DNM3: variants seen among roughly 807,000 people sequenced by gnomAD.
DNM3 encodes dynamin 3.
A neutral mutation model predicts 101.6 loss-of-function variants in DNM3; 47 were observed. The observed-to-expected ratio is 0.46, with a 90% CI of 0.37 to 0.59. The LOEUF (loss-of-function observed/expected upper bound fraction) is 0.59, where lower values mean the gene tolerates loss of function less well. DNM3 is among the 20% of genes least tolerant of loss of function. The pLI is 0.00. For missense variants in DNM3, 849 were observed against 1,085.7 expected, an observed-to-expected ratio of 0.78 and a Z score of 3.06; for synonymous variants, 385 against 387.9, an observed-to-expected ratio of 0.99 and a Z score of 0.09.
intron 15 of DNM3, among the ~76,000 whole-genome samples, chr1:172,277,099 A>G (rs2063319930): frequency 6.6e-6 from 1 of 152,050 alleles, no homozygotes; most frequent in South Asian, 2.1e-4. Context: ...GTAGGAGCTA[A>G]TGGGTACAAA....
At chr1:172,203,657 A>C (rs1384361608) in intron 14 of DNM3, among the ~76,000 whole-genome samples, 1 of 152,080 alleles carries the variant, frequency 6.6e-6, no homozygotes. Context: ...TAGCTTTTGT[A>C]TAATAGGGTG....
intron 17 of DNM3, chr1:172,338,738 AAAG>A (rs1324806330): frequency 4.6e-6 from 2 of 439,450 alleles, no homozygotes; most frequent in Admixed American, 2.6e-5. Flanking sequence ...TTGTTTGTTC[AAAG>A]AAGTCATTAC....
chr1:172,362,475 T>A (rs1319365861), intron 17 of DNM3, among the ~76,000 whole-genome samples: 2 of 101,574 alleles, frequency 2.0e-5, no homozygotes, highest in Non-Finnish European at 2.4e-5. Context: ...AACTGGAATA[T>A]GGCATGAAAG....
At chr1:172,129,469 TGA>T (rs563546233) in intron 13 of DNM3, among the ~76,000 whole-genome samples, 191 of 152,326 alleles carry the variant, frequency 1.3e-3, no homozygotes, top group African/African-American at 4.5e-3. Context: ...TTCATGCTGC[TGA>T]TAAAGACATA....
intron 2 of DNM3, among the ~76,000 whole-genome samples, chr1:171,978,595 T>A (rs1369005107): frequency 6.6e-6 from 1 of 152,180 alleles, no homozygotes; most frequent in East Asian, 1.9e-4. Flanking sequence ...TTTTTCTAAA[T>A]GTACTGGAAA....
intron 14 of DNM3, among the ~76,000 whole-genome samples, chr1:172,157,746 A>G (rs1033671170): frequency 6.6e-6 from 1 of 152,074 alleles, no homozygotes; most frequent in African/African-American, 2.4e-5. Flanking sequence ...TTTAAATAAG[A>G]TGATTTAAGG....
chr1:172,321,587 C>T (rs1339278141), intron 16 of DNM3, among the ~76,000 whole-genome samples: 1 of 152,160 alleles, frequency 6.6e-6, no homozygotes, highest in South Asian at 2.1e-4. Context: ...ACACCACGTC[C>T]TCCGCTTGTG....
chr1:172,321,630 C>T (rs1051880834), intron 16 of DNM3, among the ~76,000 whole-genome samples: 1 of 152,178 alleles, frequency 6.6e-6, no homozygotes, highest in Non-Finnish European at 1.5e-5. Flanking sequence ...AGGCCTCCTA[C>T]CCTGTGACAT....
At chr1:172,358,121 G>T (rs979622319) in intron 17 of DNM3, among the ~76,000 whole-genome samples, 1 of 151,976 alleles carries the variant, frequency 6.6e-6, no homozygotes, top group African/African-American at 2.4e-5. Context: ...TATACAGAGA[G>T]AAATAAAGAA....
exon 21 of DNM3, chr1:172,418,351 C>T: frequency 1.6e-6 from 2 of 1,283,952 alleles, no homozygotes; most frequent in Non-Finnish European, 2.0e-6. Context: ...TTTCCAACAA[C>T]ATGTCTATCC....
Position 172,116,336 on chromosome 1 carries a change from C to T in DNM3, c.1546-14839C>T, listed in dbSNP as rs574364435. ...AGACCCCACAGGAGGTTCTCACATG[C>T]CTGCTCTTTGCTTCCCTTGTTCACT... On this transcript the variant is annotated intron_variant, in intron 13 of 20. Transcript: ENST00000627582. 1.3e-3 allele frequency among the ~76,000 whole-genome samples: 194 copies of T among 152,342 alleles called. 1 individual carries two copies. Among genetic ancestry groups the T allele is most frequent in the African/African-American group, 4.5e-3 (187 of 41,576 alleles).
At chr1:172,185,065 C>G (rs190878887) in intron 14 of DNM3, among the ~76,000 whole-genome samples, 1 of 152,116 alleles carries the variant, frequency 6.6e-6, no homozygotes, top group Admixed American at 6.5e-5. Context: ...AGGGGCAGCT[C>G]CTCTCACTCA....
At chr1:172,287,786 T>A (rs935829458) in intron 15 of DNM3, among the ~76,000 whole-genome samples, 6 of 140,966 alleles carry the variant, frequency 4.3e-5, no homozygotes, top group Non-Finnish European at 7.6e-5. Flanking sequence ...ATATATAAAA[T>A]ATATATATAT....
intron 2 of DNM3, among the ~76,000 whole-genome samples, chr1:171,924,375 G>C (rs978196474): frequency 2.0e-5 from 3 of 152,114 alleles, no homozygotes; most frequent in Non-Finnish European, 4.4e-5. Flanking sequence ...AGCTGTATCA[G>C]TCTATTTTCA....
chr1:171,896,313 A>C (rs980877747), intron 1 of DNM3, among the ~76,000 whole-genome samples: 6 of 151,958 alleles, frequency 3.9e-5, no homozygotes, highest in East Asian at 1.9e-4. Context: ...CTTTTATTTC[A>C]TTGAGCAGTG....
At chr1:172,215,257 G>T (rs1219826484) in intron 14 of DNM3, among the ~76,000 whole-genome samples, 1 of 151,988 alleles carries the variant, frequency 6.6e-6, no homozygotes, top group East Asian at 1.9e-4. Flanking sequence ...TTGGCTTCTG[G>T]AACATATAAA....
At chr1:172,144,913 A>G (rs2057796056) in intron 14 of DNM3, 2 of 182,416 alleles carry the variant, frequency 1.1e-5, no homozygotes, top group South Asian at 2.0e-4. Context: ...GTGCCGCTGG[A>G]GAGACCGCTA....
intron 2 of DNM3, among the ~76,000 whole-genome samples, chr1:171,978,372 G>T (rs1409415758): frequency 6.6e-6 from 1 of 152,178 alleles, no homozygotes; most frequent in East Asian, 1.9e-4. Flanking sequence ...CACATGCAGA[G>T]ATCAGAGGGA....
intron 10 of DNM3, among the ~76,000 whole-genome samples, chr1:172,056,178 G>T (rs113841393): frequency 0.019 from 2,964 of 152,288 alleles, 88 homozygotes; most frequent in African/African-American, 0.066. Context: ...CCCGCACCTG[G>T]CTCAGAGGGT....
Sources: allele counts gnomAD v4.1 joint callset (sites outside exome capture counted in the v4.1 genomes callset), GRCh38; gene constraint gnomAD v4.1.1; transcripts MANE v1.5; gene names NCBI Gene and HGNC (gene_info 2026-07-23, HGNC 2026-07-21).